Variants in SLC4A10 observed in about 807,000 individuals in gnomAD.
The protein encoded by SLC4A10 is solute carrier family 4 member 10, also known as sodium-driven chloride bicarbonate exchanger.
SLC4A10 carries 42 observed loss-of-function variants against 137.7 expected under a neutral mutation model. That is an observed-to-expected ratio of 0.30 (90% CI 0.24 to 0.39). The LOEUF (loss-of-function observed/expected upper bound fraction) is 0.39. Ranked by LOEUF, SLC4A10 falls within the 10% of genes least tolerant of loss-of-function variation. SLC4A10 has a pLI of 1.00. For missense variants in SLC4A10, 925 were observed against 1,355.0 expected, an observed-to-expected ratio of 0.68 and a Z score of 4.98; for synonymous variants, 474 against 464.1, an observed-to-expected ratio of 1.02 and a Z score of -0.27.
At chr2:161,713,848 TA>T (rs1351195315) in intron 1 of SLC4A10, among the ~76,000 whole-genome samples, 1 of 151,904 alleles carries the variant, frequency 6.6e-6, no homozygotes, top group East Asian at 1.9e-4. Flanking sequence ...GGCATTTTAG[TA>T]TTGCATGAGG....
intron 3 of SLC4A10, among the ~76,000 whole-genome samples, chr2:161,832,464 A>T (rs1173271536): frequency 1.3e-5 from 2 of 152,152 alleles, no homozygotes; most frequent in Non-Finnish European, 2.9e-5. Context: ...GTCCATTGGT[A>T]TTGGTAGCAA....
chr2:161,949,121 A>C, intron 17 of SLC4A10, 27 bp from the exon 18 acceptor site: 4 of 1,467,406 alleles, frequency 2.7e-6, no homozygotes, highest in Non-Finnish European at 3.8e-6. Flanking sequence ...AGCTACTTTA[A>C]GTGACAAGTG....
intron 1 of SLC4A10, among the ~76,000 whole-genome samples, chr2:161,692,360 T>C (rs1038863498): frequency 5.3e-5 from 8 of 152,096 alleles, no homozygotes; most frequent in Non-Finnish European, 1.0e-4. Context: ...ATTTGGATTG[T>C]TGAGCATACT....
intron 3 of SLC4A10, among the ~76,000 whole-genome samples, chr2:161,830,093 T>C (rs1015375174): frequency 6.6e-6 from 1 of 151,676 alleles, no homozygotes; most frequent in Non-Finnish European, 1.5e-5. Flanking sequence ...CATTTAAAAA[T>C]TGACATAAGT....
At chr2:161,922,193 G>T (rs193037482) in intron 15 of SLC4A10, among the ~76,000 whole-genome samples, 2 of 152,146 alleles carry the variant, frequency 1.3e-5, no homozygotes, top group Non-Finnish European at 2.9e-5. Context: ...CTATTTGAAT[G>T]AAGATAAATT....
intron 1 of SLC4A10, among the ~76,000 whole-genome samples, chr2:161,701,912 G>A (rs184578756): frequency 6.6e-6 from 1 of 151,968 alleles, no homozygotes; most frequent in East Asian, 1.9e-4. Flanking sequence ...AACGGACACT[G>A]GCCAGGCTGC....
chr2:161,773,806 C>A (rs2051976614), intron 2 of SLC4A10, among the ~76,000 whole-genome samples: 1 of 151,776 alleles, frequency 6.6e-6, no homozygotes, highest in Non-Finnish European at 1.5e-5. Flanking sequence ...CTCTCTAAAT[C>A]TGTTTATGTA....
At chr2:161,961,477 A>G (rs994485202) in intron 21 of SLC4A10, among the ~76,000 whole-genome samples, 9 of 151,676 alleles carry the variant, frequency 5.9e-5, no homozygotes, top group African/African-American at 2.2e-4. Flanking sequence ...GTGTAGTTTG[A>G]TAGAATTTGT....
At chr2:161,689,496 G>C (rs533534297) in intron 1 of SLC4A10, among the ~76,000 whole-genome samples, 1 of 152,156 alleles carries the variant, frequency 6.6e-6, no homozygotes, top group South Asian at 2.1e-4. Flanking sequence ...AGAAGCAATA[G>C]GTTATACCTT....
At chr2:161,903,775 C>G (rs2105325967) in intron 12 of SLC4A10, among the ~76,000 whole-genome samples, 1 of 152,092 alleles carries the variant, frequency 6.6e-6, no homozygotes, top group East Asian at 1.9e-4. Context: ...TTAAGAGAAC[C>G]TGGGATTTTT....
intron 1 of SLC4A10, among the ~76,000 whole-genome samples, chr2:161,754,512 C>T (rs1260535420): frequency 1.3e-5 from 2 of 152,090 alleles, no homozygotes; most frequent in East Asian, 1.9e-4. Flanking sequence ...GTGTCTTCTT[C>T]AAGGCAGAAA....
At chr2:161,836,849 A>G (rs1200120825) in intron 3 of SLC4A10, among the ~76,000 whole-genome samples, 2 of 152,206 alleles carry the variant, frequency 1.3e-5, no homozygotes, top group Non-Finnish European at 2.9e-5. Context: ...AATGATTCCA[A>G]TGATTGCAGA....
At chr2:161,831,769 A>T (rs2058449630) in intron 3 of SLC4A10, among the ~76,000 whole-genome samples, 1 of 152,152 alleles carries the variant, frequency 6.6e-6, no homozygotes, top group Non-Finnish European at 1.5e-5. Flanking sequence ...GAATATTTAG[A>T]GGTAGGAAGG....
At chr2:161,720,390 T>C (rs1192799520) in intron 1 of SLC4A10, among the ~76,000 whole-genome samples, 4 of 152,188 alleles carry the variant, frequency 2.6e-5, no homozygotes, top group Non-Finnish European at 5.9e-5. Context: ...TCTTTTTTGG[T>C]TCCATATGAA....
intron 20 of SLC4A10, 82 bp from the exon 21 acceptor site, chr2:161,958,404 TC>T (rs989016936): frequency 4.3e-6 from 5 of 1,153,594 alleles, no homozygotes; most frequent in African/African-American, 1.5e-5. Context: ...ATGCCTTTTT[TC>T]CCTGTTTTTT....
chr2:161,925,530 G>T (rs947892155), intron 15 of SLC4A10, among the ~76,000 whole-genome samples: 6 of 152,072 alleles, frequency 3.9e-5, no homozygotes, highest in Admixed American at 2.0e-4. Context: ...TTTTTGAAGG[G>T]TTTTTTATGT....
chr2:161,945,835 T>C (rs990873803), intron 16 of SLC4A10, among the ~76,000 whole-genome samples: 4 of 151,984 alleles, frequency 2.6e-5, no homozygotes, highest in Non-Finnish European at 4.4e-5. Flanking sequence ...ACCCTTTAAA[T>C]GTCATCTATG....
At chr2:161,663,133 A>G (rs2038642456) in intron 1 of SLC4A10, among the ~76,000 whole-genome samples, 1 of 152,114 alleles carries the variant, frequency 6.6e-6, no homozygotes, top group South Asian at 2.1e-4. Context: ...CTTTTAGATA[A>G]TTTCTAAGAA....
intron 1 of SLC4A10, among the ~76,000 whole-genome samples, chr2:161,641,787 T>C (rs960601394): frequency 2.0e-5 from 3 of 152,042 alleles, no homozygotes; most frequent in African/African-American, 7.2e-5. Context: ...GGTAATATAA[T>C]ATTTTGCTAA....
Sources: allele counts gnomAD v4.1 joint callset (sites outside exome capture counted in the v4.1 genomes callset), GRCh38; gene constraint gnomAD v4.1.1; transcripts MANE v1.5; gene names NCBI Gene and HGNC (gene_info 2026-07-23, HGNC 2026-07-21).